The following RAI1 variants were observed in gnomAD, a reference collection of about 807,000 sequenced individuals.
RAI1 encodes the protein retinoic acid-induced protein 1.
A neutral mutation model predicts 123.8 loss-of-function variants in RAI1; 9 were observed. The observed-to-expected ratio is 0.07, with a 90% CI of 0.04 to 0.13. RAI1 has a LOEUF of 0.13. Ranked by LOEUF, RAI1 falls within the 10% of genes least tolerant of loss-of-function variation. The pLI, the probability that RAI1 is intolerant of heterozygous loss-of-function variation, is 1.00. For synonymous variants in RAI1, 1,231 were observed against 1,127.3 expected (o/e 1.09, Z -1.84); for missense variants, 2,256 against 2,545.8 (o/e 0.89, Z 2.45).
chr17:17,719,514 A>G (rs931355625), intron 1 of RAI1, among the ~76,000 whole-genome samples: 1 of 152,030 alleles, frequency 6.6e-6, no homozygotes, highest in Non-Finnish European at 1.5e-5. Flanking sequence ...AGCTCTGACC[A>G]CTCAGTGTAG....
chr17:17,698,753 A>G (rs1915117421), intron 1 of RAI1, among the ~76,000 whole-genome samples: 1 of 152,132 alleles, frequency 6.6e-6, no homozygotes, highest in Admixed American at 6.5e-5. Flanking sequence ...CCAGGCACTG[A>G]GTTTTCTTTG....
chr17:17,747,491 G>A (rs921145222), intron 2 of RAI1, among the ~76,000 whole-genome samples: 1 of 152,206 alleles, frequency 6.6e-6, no homozygotes. Context: ...TGAGGTGAGG[G>A]CAACCGACAT....
intron 2 of RAI1, among the ~76,000 whole-genome samples, chr17:17,726,768 G>A (rs1165334057): frequency 6.6e-6 from 1 of 152,062 alleles, no homozygotes; most frequent in Non-Finnish European, 1.5e-5. Context: ...CAGTCTTAGA[G>A]GGCTCTGACA....
intron 2 of RAI1, among the ~76,000 whole-genome samples, chr17:17,767,407 G>C (rs1256949156): frequency 6.7e-6 from 1 of 149,102 alleles, no homozygotes; most frequent in Non-Finnish European, 1.5e-5. Context: ...AAAAAAACTC[G>C]CTGAAAAAAA....
At chr17:17,808,925 A>G (rs1567940847) in intron 4 of RAI1, among the ~76,000 whole-genome samples, 1 of 152,214 alleles carries the variant, frequency 6.6e-6, no homozygotes, top group East Asian at 1.9e-4. Flanking sequence ...ACTGGAAGTT[A>G]GTGAGCTCTT....
chr17:17,726,507 G>A (rs1471011185), intron 2 of RAI1, among the ~76,000 whole-genome samples: 4 of 152,228 alleles, frequency 2.6e-5, no homozygotes, highest in African/African-American at 9.6e-5. Flanking sequence ...TCGAGTTTCC[G>A]TTTTCAAGAA....
At chr17:17,741,089 G>A (rs575685197) in intron 2 of RAI1, among the ~76,000 whole-genome samples, 43 of 149,566 alleles carry the variant, frequency 2.9e-4, no homozygotes, top group African/African-American at 9.3e-4. Flanking sequence ...ACAAGCGCGC[G>A]CGCACACACA....
At chr17:17,779,904 T>C (rs2031506010) in intron 2 of RAI1, among the ~76,000 whole-genome samples, 1 of 149,022 alleles carries the variant, frequency 6.7e-6, no homozygotes, top group African/African-American at 2.5e-5. Context: ...GCCTCCTGCA[T>C]AGCTGGGACT....
chr17:17,686,613 G>A (rs537994678), intron 1 of RAI1, among the ~76,000 whole-genome samples: 11 of 148,488 alleles, frequency 7.4e-5, no homozygotes, highest in South Asian at 2.1e-4. Flanking sequence ...GTGTGTGCAC[G>A]CGCGCGCCGG....
At chr17:17,693,793 G>A (rs1232943833) in intron 1 of RAI1, among the ~76,000 whole-genome samples, 2 of 152,222 alleles carry the variant, frequency 1.3e-5, no homozygotes, top group Non-Finnish European at 2.9e-5. Context: ...GGAAGGGAGA[G>A]GAAGGAACGG....
In RAI1 at chr17:17,800,172, C is replaced by CTCTCTCTGTCTCTCTCTG. The variant is rs2032404552; in HGVS notation, c.5565+1676_5565+1677insGTCTCTCTGTCTCTCTCT. ...TTTTTGCCTCTCTCCTGCTTTCTGT[C>CTCTCTCTGTCTCTCTCTG]TCTCTCTGTCTCTCTCTCTCTCTCT... On this transcript the variant is annotated intron_variant, in intron 3 of 5. Transcript: ENST00000353383. This position sits in a 1 kb window ranked among gnomAD's most constrained non-coding sequence, Gnocchi z 4.7. 1.5e-5 allele frequency among the ~76,000 whole-genome samples: 1 copy of CTCTCTCTGTCTCTCTCTG among 67,328 alleles called. No homozygotes were observed. Among genetic ancestry groups the CTCTCTCTGTCTCTCTCTG allele is most frequent in the Non-Finnish European group, 2.9e-5 (1 of 34,522 alleles). The allele number at this position is 67,328 out of a possible 152,430, so 44.2% of individuals were successfully genotyped here. A position where few individuals can be genotyped will look rare whatever the true frequency, so the allele number is the denominator to read the frequency against.
chr17:17,775,965 G>A (rs754135999), intron 2 of RAI1, among the ~76,000 whole-genome samples: 2 of 152,232 alleles, frequency 1.3e-5, no homozygotes, highest in South Asian at 2.1e-4. Flanking sequence ...ACAGCTTAGC[G>A]CTTGAGCCAG....
At chr17:17,705,904 G>C (rs1915377699) in intron 1 of RAI1, among the ~76,000 whole-genome samples, 1 of 151,234 alleles carries the variant, frequency 6.6e-6, no homozygotes, top group Admixed American at 6.6e-5. Flanking sequence ...CGTGCCTGTA[G>C]TCCCAGCTAC....
At chr17:17,792,850 G>C in intron 2 of RAI1, 83 bp from the exon 3 acceptor site, 1 of 1,143,092 alleles carries the variant, frequency 8.7e-7, no homozygotes, top group South Asian at 1.3e-5. Flanking sequence ...TGGCCCGTCT[G>C]AATCGCTCAT....
In RAI1 at chr17:17,800,180, G is replaced by GTCTCTGTCTCTCTCTCTCTC. The variant is rs2032405799; in HGVS notation, c.5565+1672_5565+1673insGTCTCTCTCTCTCTCTCTCT. 1.7e-5 allele frequency among the ~76,000 whole-genome samples: 2 copies of GTCTCTGTCTCTCTCTCTCTC among 116,318 alleles called. No homozygotes were observed. The highest frequency in any genetic ancestry group is 6.0e-5 in the African/African-American group (2 of 33,338). 76.3% of individuals were successfully genotyped at this position (116,318 alleles called of 152,430 possible). Reference sequence around the variant, plus strand: ...TCTCTCCTGCTTTCTGTCTCTCTCTGTCTCTCTCTCTCTCTCTCTCTCTCT... The same window carrying GTCTCTGTCTCTCTCTCTCTC: ...TCTCTCCTGCTTTCTGTCTCTCTCTGTCTCTGTCTCTCTCTCTCTCTCTCTCTCTCTCTCTCTCTCTCTCT... On this transcript the variant is annotated intron_variant, in intron 3 of 5. Transcript: ENST00000353383. This position sits in a 1 kb window ranked among gnomAD's most constrained non-coding sequence, Gnocchi z 4.7.
intron 2 of RAI1, among the ~76,000 whole-genome samples, chr17:17,741,524 G>A (rs1057096479): frequency 1.3e-5 from 2 of 152,214 alleles, no homozygotes; most frequent in African/African-American, 4.8e-5. Context: ...GTGGCAGTGC[G>A]GGACTCGTCC....
At chr17:17,804,896 C>T (rs2032566276) in intron 4 of RAI1, among the ~76,000 whole-genome samples, 1 of 151,784 alleles carries the variant, frequency 6.6e-6, no homozygotes, top group South Asian at 2.1e-4. Context: ...CGGAGTCTCA[C>T]TCTGTCACCA....
intron 4 of RAI1, among the ~76,000 whole-genome samples, chr17:17,805,131 G>A (rs1014666310): frequency 6.6e-6 from 1 of 152,178 alleles, no homozygotes; most frequent in African/African-American, 2.4e-5. Flanking sequence ...AAAGTGCTGG[G>A]ATTACAGGCG....
intron 1 of RAI1, among the ~76,000 whole-genome samples, chr17:17,682,260 G>A (rs1187812539): frequency 1.3e-5 from 2 of 152,076 alleles, no homozygotes; most frequent in Non-Finnish European, 1.5e-5. Flanking sequence ...ACCCGGGCCC[G>A]GCGTGGCCAT....
Sources: allele counts gnomAD v4.1 joint callset (sites outside exome capture counted in the v4.1 genomes callset), GRCh38; gene constraint gnomAD v4.1.1; non-coding constraint Gnocchi (gnomAD v3.1); transcripts MANE v1.5; gene names NCBI Gene and HGNC (gene_info 2026-07-23, HGNC 2026-07-21).